Variants in AFF3 observed in about 807,000 individuals in gnomAD.
The protein encoded by AFF3 is ALF transcription elongation factor 3, also known as AF4/FMR2 family member 3.
AFF3 carries 32 observed loss-of-function variants against 129.7 expected under a neutral mutation model. That is an observed-to-expected ratio of 0.25 (90% CI 0.19 to 0.33). The LOEUF (loss-of-function observed/expected upper bound fraction) is 0.33. Among genes scored for constraint, AFF3 ranks in the 10% least tolerant of loss-of-function variants. The probability of loss-of-function intolerance (pLI) is 1.00; values close to 1 mark genes in which losing one functional copy is unlikely to be tolerated. For missense variants in AFF3, 1,373 were observed against 1,592.0 expected (o/e 0.86, Z 2.34); for synonymous variants, 644 against 635.4 (o/e 1.01, Z -0.20).
intron 6 of AFF3, 61 bp from the exon 7 acceptor site, chr2:100,007,078 T>C: frequency 6.3e-7 from 1 of 1,587,740 alleles, no homozygotes. Context: ...ATAGGGATTT[T>C]CTTTTTTCAT....
intron 17 of AFF3, among the ~76,000 whole-genome samples, chr2:99,579,888 G>A (rs1476336669): frequency 6.6e-6 from 1 of 152,184 alleles, no homozygotes; most frequent in Admixed American, 6.5e-5. Flanking sequence ...AAATGCAAAT[G>A]GTTTCTCTGA....
intron 7 of AFF3, among the ~76,000 whole-genome samples, chr2:99,897,004 C>T (rs1694020252): frequency 1.3e-5 from 2 of 151,874 alleles, no homozygotes; most frequent in African/African-American, 2.4e-5. Context: ...GCAAGTACAC[C>T]CCGTGAATTT....
chr2:99,804,135 TCAGAG>T (rs1420074209), intron 8 of AFF3, among the ~76,000 whole-genome samples: 3 of 152,090 alleles, frequency 2.0e-5, no homozygotes, highest in Admixed American at 6.5e-5. Context: ...GAAATAATCA[TCAGAG>T]CAAACAGACA....
In AFF3 at chr2:99,669,997, G is replaced by A. The variant is rs550704372; in HGVS notation, c.1143+2541C>T. Among the ~76,000 whole-genome samples the A allele has an allele frequency of 1.0e-3, 155 of 152,284 alleles. 1 individual carries two copies. Among genetic ancestry groups the A allele is most frequent in the South Asian group, 5.6e-3 (27 of 4,818 alleles). On this transcript the variant is annotated intron_variant, in intron 12 of 24. Coordinates refer to ENST00000672756, the MANE Select transcript of AFF3 (RefSeq NM_001386135.1). Reference sequence around the variant, plus strand: ...ATCTGGTGACACGAAGATGATGGGTGACCTCAAATTTCGATGAAGTGGCAG... The same window carrying A: ...ATCTGGTGACACGAAGATGATGGGTAACCTCAAATTTCGATGAAGTGGCAG...
At chr2:99,833,936 G>A (rs1186349312) in intron 8 of AFF3, among the ~76,000 whole-genome samples, 1 of 152,140 alleles carries the variant, frequency 6.6e-6, no homozygotes, top group Non-Finnish European at 1.5e-5. Context: ...AACTCTCGGA[G>A]TAAGGATAAA....
intron 18 of AFF3, among the ~76,000 whole-genome samples, chr2:99,573,872 A>G (rs1214863568): frequency 5.9e-5 from 9 of 152,312 alleles, no homozygotes; most frequent in Admixed American, 5.2e-4. Context: ...CACTTCCTCC[A>G]GGGAGCGGCA....
chr2:99,797,039 A>G (rs1012731522), intron 8 of AFF3, among the ~76,000 whole-genome samples: 1 of 152,180 alleles, frequency 6.6e-6, no homozygotes, highest in Non-Finnish European at 1.5e-5. Flanking sequence ...TAGAAACACA[A>G]AAAAGCAAAA....
At chr2:99,911,879 C>T (rs567836828) in intron 7 of AFF3, among the ~76,000 whole-genome samples, 7 of 152,278 alleles carry the variant, frequency 4.6e-5, no homozygotes, top group Non-Finnish European at 1.0e-4. Flanking sequence ...ATTTTAAAAG[C>T]TGTAGGTGGT....
chr2:99,996,800 T>C (rs993576725), intron 7 of AFF3, among the ~76,000 whole-genome samples: 6 of 152,164 alleles, frequency 3.9e-5, no homozygotes, highest in African/African-American at 7.2e-5. Flanking sequence ...CTAATTCCTC[T>C]TCTTGCTTCT....
At chr2:99,824,991 C>T (rs1687964143) in intron 8 of AFF3, among the ~76,000 whole-genome samples, 2 of 152,156 alleles carry the variant, frequency 1.3e-5, no homozygotes, top group Admixed American at 6.5e-5. Context: ...AACAAAACAA[C>T]ATGCAAATAA....
At chr2:99,930,546 C>T (rs1424680144) in intron 7 of AFF3, among the ~76,000 whole-genome samples, 2 of 152,152 alleles carry the variant, frequency 1.3e-5, no homozygotes, top group Non-Finnish European at 2.9e-5. Flanking sequence ...TCTCTCTCTC[C>T]TCTTTCTTCC....
intron 9 of AFF3, among the ~76,000 whole-genome samples, chr2:99,750,749 TG>T (rs2105194005): frequency 6.6e-6 from 1 of 152,260 alleles, no homozygotes; most frequent in South Asian, 2.1e-4. Flanking sequence ...CCAAAGTAAC[TG>T]TGGCTTCTGA....
chr2:99,702,155 T>C (rs10469849), intron 11 of AFF3, among the ~76,000 whole-genome samples: 13,543 of 152,230 alleles, frequency 0.089, 796 homozygotes, highest in Admixed American at 0.18. Context: ...AACCGCTGGG[T>C]CCATTTTCAG....
intron 8 of AFF3, among the ~76,000 whole-genome samples, chr2:99,792,907 C>T (rs1685298240): frequency 6.6e-6 from 1 of 152,114 alleles, no homozygotes; most frequent in Admixed American, 6.5e-5. Context: ...ATATCTGGGA[C>T]ATGTTTCCTC....
intron 8 of AFF3, among the ~76,000 whole-genome samples, chr2:99,815,289 G>C (rs1186297418): frequency 6.6e-6 from 1 of 152,014 alleles, no homozygotes; most frequent in Non-Finnish European, 1.5e-5. Context: ...CCATTTCTAG[G>C]TGTACAGTTC....
intron 2 of AFF3, among the ~76,000 whole-genome samples, chr2:100,122,010 C>T (rs552591403): frequency 4.6e-5 from 7 of 152,204 alleles, no homozygotes; most frequent in African/African-American, 1.7e-4. Context: ...TGCAGTGAGC[C>T]GAGATTGCGC....
intron 8 of AFF3, among the ~76,000 whole-genome samples, chr2:99,768,761 G>A (rs1189614982): frequency 6.6e-6 from 1 of 152,172 alleles, no homozygotes; most frequent in African/African-American, 2.4e-5. Context: ...ATTTTCACCA[G>A]ATACACTATT....
chr2:99,879,365 T>C (rs1365808289), intron 7 of AFF3, among the ~76,000 whole-genome samples: 1 of 152,192 alleles, frequency 6.6e-6, no homozygotes, highest in Admixed American at 6.5e-5. Context: ...ACCATGTTTG[T>C]ATCTTCTGGG....
At chr2:100,037,468 A>G (rs1335582651) in intron 4 of AFF3, among the ~76,000 whole-genome samples, 23 of 111,298 alleles carry the variant, frequency 2.1e-4, no homozygotes, top group Non-Finnish European at 2.2e-4. Flanking sequence ...ATATAAATAT[A>G]TATTTATATT....
Sources: gnomAD v4.1 joint callset for allele counts (sites outside exome capture counted in the v4.1 genomes callset) on GRCh38, gnomAD v4.1.1 for gene constraint, MANE v1.5 for transcripts, NCBI Gene and HGNC (gene_info 2026-07-23, HGNC 2026-07-21) for gene names.